The following GPC5 variants were observed in gnomAD, a reference collection of about 807,000 sequenced individuals.
GPC5 encodes glypican-5.
Under a neutral mutation model 53.9 loss-of-function variants are expected in GPC5, and 47 were observed. The observed-to-expected ratio is 0.87, with a 90% CI of 0.69 to 1.11. The LOEUF (loss-of-function observed/expected upper bound fraction) is 1.11. Ranked by LOEUF, GPC5 falls within the 50% of genes most tolerant of loss-of-function variation. GPC5 has a pLI of 0.00. For missense variants in GPC5, 748 were observed against 713.1 expected, an observed-to-expected ratio of 1.05 and a Z score of -0.56; for synonymous variants, 286 against 263.3, an observed-to-expected ratio of 1.09 and a Z score of -0.84.
intron 6 of GPC5, among the ~76,000 whole-genome samples, chr13:92,024,905 G>A (rs1325713420): frequency 6.6e-6 from 1 of 152,122 alleles, no homozygotes; most frequent in Admixed American, 6.6e-5. Context: ...CAAAGCAGCT[G>A]CCAGTTTATG....
intron 5 of GPC5, among the ~76,000 whole-genome samples, chr13:91,802,251 G>C (rs1425653484): frequency 6.6e-6 from 1 of 151,882 alleles, no homozygotes; most frequent in African/African-American, 2.4e-5. Flanking sequence ...CTTCCCTCTG[G>C]TGGGTTCGTG....
At chr13:91,747,971 A>G (rs1441306014) in intron 4 of GPC5, among the ~76,000 whole-genome samples, 3 of 152,212 alleles carry the variant, frequency 2.0e-5, no homozygotes, top group African/African-American at 7.2e-5. Context: ...ATGGTTGCAC[A>G]TTAGGATCCT....
chr13:92,155,610 A>G (rs890570350), intron 7 of GPC5, among the ~76,000 whole-genome samples: 1 of 151,842 alleles, frequency 6.6e-6, no homozygotes, highest in African/African-American at 2.4e-5. Flanking sequence ...TTTTTCCTCA[A>G]CCTTTTTGAT....
intron 5 of GPC5, among the ~76,000 whole-genome samples, chr13:91,879,394 G>A (rs552776933): frequency 1.3e-5 from 2 of 152,192 alleles, no homozygotes; most frequent in East Asian, 1.9e-4. Context: ...ATCTGGAATT[G>A]GGCTGCTGTA....
At chr13:91,571,886 C>CGT (rs138515249) in intron 2 of GPC5, among the ~76,000 whole-genome samples, 2,241 of 64,466 alleles carry the variant, frequency 0.035, 288 homozygotes, top group African/African-American at 0.054. Context: ...CACACATATA[C>CGT]GTGTGTATAT....
At chr13:92,005,226 C>T (rs758707224) in intron 6 of GPC5, among the ~76,000 whole-genome samples, 48 of 152,172 alleles carry the variant, frequency 3.2e-4, no homozygotes, top group Admixed American at 7.2e-4. Flanking sequence ...TTACAGGATT[C>T]CATCAAGAGG....
At position 91,481,101 on chromosome 13, in the gene GPC5, C is replaced by T. The variant is rs572156920; in HGVS notation, c.325+32179C>T. ...TTTCTTCATAAGCTCATTATACAAA[C>T]ATCTGGCTCTCTCTGCCATGTGAAG... On this transcript the variant is annotated intron_variant, in intron 2 of 7. Coordinates refer to ENST00000377067, the MANE Select transcript of GPC5 (RefSeq NM_004466.6). 2.6e-5 allele frequency among the ~76,000 whole-genome samples: 4 copies of T among 152,256 alleles called. No individual in the cohort carries two copies. In the East Asian group the frequency reaches 7.7e-4, roughly 29 times the overall value.
At chr13:92,520,796 C>G (rs970838617) in intron 7 of GPC5, among the ~76,000 whole-genome samples, 4 of 151,854 alleles carry the variant, frequency 2.6e-5, no homozygotes, top group Non-Finnish European at 4.4e-5. Flanking sequence ...TCAAGCAGGA[C>G]AAAGAAATAA....
intron 7 of GPC5, among the ~76,000 whole-genome samples, chr13:92,263,500 G>A (rs868271748): frequency 1.1e-4 from 17 of 152,110 alleles, no homozygotes; most frequent in Middle Eastern, 3.4e-3. Flanking sequence ...GAAAGATTCT[G>A]CTCTCTAAGG....
chr13:91,600,305 CAGAGAGAGAGAGAGAGAGAG>C (rs67108031), intron 2 of GPC5, among the ~76,000 whole-genome samples: 27,212 of 146,262 alleles, frequency 0.19, 2,552 homozygotes, highest in African/African-American at 0.24. Flanking sequence ...GTTCATTTTA[CAGAGAGAGAGAGAGAGAGAG>C]AGAGAGAGAG....
chr13:91,652,986 G>T (rs773391564), intron 2 of GPC5, among the ~76,000 whole-genome samples: 5 of 152,124 alleles, frequency 3.3e-5, no homozygotes, highest in Non-Finnish European at 7.3e-5. Context: ...CGTATAACCT[G>T]CTGACACTCA....
intron 6 of GPC5, among the ~76,000 whole-genome samples, chr13:91,977,207 A>G (rs2040311565): frequency 6.6e-6 from 1 of 152,204 alleles, no homozygotes; most frequent in Non-Finnish European, 1.5e-5. Context: ...CATGTTTCTA[A>G]GGAGAATACA....
chr13:92,406,341 A>G (rs1407660732), intron 7 of GPC5, among the ~76,000 whole-genome samples: 1 of 152,238 alleles, frequency 6.6e-6, no homozygotes, highest in Admixed American at 6.5e-5. Context: ...AATCTGTTTC[A>G]AAACAATGTC....
At chr13:92,718,377 A>G (rs950990110) in intron 7 of GPC5, among the ~76,000 whole-genome samples, 1 of 152,196 alleles carries the variant, frequency 6.6e-6, no homozygotes, top group Non-Finnish European at 1.5e-5. Context: ...CCACAAAAAG[A>G]ATGAGATCCT....
At chr13:91,443,497 C>A (rs1382713459) in intron 1 of GPC5, among the ~76,000 whole-genome samples, 1 of 152,150 alleles carries the variant, frequency 6.6e-6, no homozygotes, top group African/African-American at 2.4e-5. Flanking sequence ...CATGGTAGCC[C>A]AAGCAGACTA....
intron 2 of GPC5, among the ~76,000 whole-genome samples, chr13:91,684,987 A>G (rs2035590961): frequency 6.6e-6 from 1 of 151,292 alleles, no homozygotes; most frequent in South Asian, 2.1e-4. Flanking sequence ...CCCCCTAACC[A>G]CTCATCTTTT....
rs868445305 is a variant in GPC5, at chr13:91,398,653, C to T, written c.-394C>T. On this transcript the variant is annotated 5_prime_UTR_variant, in exon 1 of 8. Transcript: ENST00000377067. Reference sequence around the variant, plus strand: ...GTTAGCTGCTGCGAGCCGAGCCGGGCGGCGGAGGCGGCGGCGGCGGCGGCA... The same window carrying T: ...GTTAGCTGCTGCGAGCCGAGCCGGGTGGCGGAGGCGGCGGCGGCGGCGGCA... 1.5e-5 allele frequency: 2 copies of T among 137,466 alleles called. No individual in the cohort carries two copies. Among genetic ancestry groups the T allele is most frequent in the Non-Finnish European group, 2.9e-5 (2 of 69,060 alleles). 8.5% of individuals were successfully genotyped at this position (137,466 alleles called of 1,614,324 possible). A position where few individuals can be genotyped will look rare whatever the true frequency, so the allele number is the denominator to read the frequency against.
chr13:92,499,877 C>G (rs538415910), intron 7 of GPC5, among the ~76,000 whole-genome samples: 3 of 152,202 alleles, frequency 2.0e-5, no homozygotes, highest in South Asian at 2.1e-4. Flanking sequence ...CTACATGCAA[C>G]TATGAATCAA....
chr13:92,133,228 A>G (rs889811921), intron 6 of GPC5, among the ~76,000 whole-genome samples: 6 of 152,150 alleles, frequency 3.9e-5, no homozygotes, highest in South Asian at 2.1e-4. Flanking sequence ...ACAATTTTGT[A>G]GTTTATGTAA....
Sources: gnomAD v4.1 joint callset for allele counts (sites outside exome capture counted in the v4.1 genomes callset) on GRCh38, gnomAD v4.1.1 for gene constraint, MANE v1.5 for transcripts, NCBI Gene and HGNC (gene_info 2026-07-23, HGNC 2026-07-21) for gene names.